Variants in PTGER4 observed in about 807,000 individuals in gnomAD.
The protein encoded by PTGER4 is prostaglandin E2 receptor EP4 subtype.
PTGER4 carries 11 observed loss-of-function variants against 33.2 expected under a neutral mutation model. The observed-to-expected ratio is 0.33, with a 90% confidence interval of 0.21 to 0.55. The LOEUF (loss-of-function observed/expected upper bound fraction) is 0.55, where lower values mean the gene tolerates loss of function less well. PTGER4 is among the 20% of genes least tolerant of loss of function. PTGER4 has a pLI of 0.92. For missense variants in PTGER4, 481 were observed against 650.2 expected (o/e 0.74, Z 2.83); for synonymous variants, 275 against 281.5 (o/e 0.98, Z 0.23).
At chr5:40,705,132 G>T in the PTGER4 span, among the ~76,000 whole-genome samples, 4 of 152,068 alleles carry the variant, frequency 2.6e-5, no homozygotes, top group Non-Finnish European at 1.5e-5. Context: ...CAGGCACATA[G>T]AACAATGGAA....
At chr5:40,729,818 C>G in the PTGER4 span, among the ~76,000 whole-genome samples, 1 of 152,180 alleles carries the variant, frequency 6.6e-6, no homozygotes, top group Non-Finnish European at 1.5e-5. Flanking sequence ...CCTGCCTCAG[C>G]CTCTCAAGTA....
chr5:40,707,826 A>G, the PTGER4 span, among the ~76,000 whole-genome samples: 41 of 152,318 alleles, frequency 2.7e-4, no homozygotes, highest in African/African-American at 9.4e-4. Flanking sequence ...ATTACAACAA[A>G]CTGTCTCTCA....
the PTGER4 span, among the ~76,000 whole-genome samples, chr5:40,703,760 G>A: frequency 6.6e-6 from 1 of 151,686 alleles, no homozygotes; most frequent in East Asian, 1.9e-4. Flanking sequence ...AAAATTAGCT[G>A]GGCATGGTGG....
the PTGER4 span, among the ~76,000 whole-genome samples, chr5:40,708,510 T>C: frequency 6.6e-6 from 1 of 152,118 alleles, no homozygotes; most frequent in Non-Finnish European, 1.5e-5. Context: ...AATAGACCAA[T>C]AACAGGCTCT....
At chr5:40,686,715 A>T (rs1322298184) in intron 2 of PTGER4, among the ~76,000 whole-genome samples, 4 of 151,818 alleles carry the variant, frequency 2.6e-5, no homozygotes, top group East Asian at 1.9e-4. Flanking sequence ...TAATCATCCT[A>T]AAAAAAAGTG....
chr5:40,721,218 C>G, the PTGER4 span, among the ~76,000 whole-genome samples: 2 of 152,136 alleles, frequency 1.3e-5, no homozygotes, highest in African/African-American at 4.8e-5. Context: ...TGCCTGGGGG[C>G]TAGGAAGAAC....
chr5:40,707,557 C>T, the PTGER4 span, among the ~76,000 whole-genome samples: 2 of 152,154 alleles, frequency 1.3e-5, no homozygotes, highest in African/African-American at 4.8e-5. Context: ...TACAAAGAGA[C>T]TTAGACTCCC....
chr5:40,740,601 C>T, the PTGER4 span, among the ~76,000 whole-genome samples: 9 of 152,274 alleles, frequency 5.9e-5, no homozygotes, highest in East Asian at 9.7e-4. Context: ...AGAAGACCAG[C>T]TCATTCCCGA....
At chr5:40,723,800 G>A in the PTGER4 span, among the ~76,000 whole-genome samples, 3 of 151,608 alleles carry the variant, frequency 2.0e-5, no homozygotes, top group East Asian at 5.8e-4. Flanking sequence ...GGGAGGCAGA[G>A]GTTACAGTGA....
the PTGER4 span, among the ~76,000 whole-genome samples, chr5:40,703,630 C>A: frequency 6.6e-6 from 1 of 151,996 alleles, no homozygotes; most frequent in African/African-American, 2.4e-5. Flanking sequence ...AGGCCGGGCA[C>A]GGTGTGGCTC....
At chr5:40,689,197 T>C (rs936968335) in intron 2 of PTGER4, among the ~76,000 whole-genome samples, 16 of 152,208 alleles carry the variant, frequency 1.1e-4, no homozygotes, top group African/African-American at 3.1e-4. Context: ...TTAGGTCAGA[T>C]TTTGCAATGA....
At chr5:40,682,788 A>G (rs1428313661) in intron 2 of PTGER4, among the ~76,000 whole-genome samples, 1 of 152,238 alleles carries the variant, frequency 6.6e-6, no homozygotes, top group Non-Finnish European at 1.5e-5. Context: ...GTCTGAGGCC[A>G]GACCCAGCTC....
rs763245643 is a variant in PTGER4 at position 40,683,183 on chromosome 5, T to C, written c.867+1323T>C. 1.3e-5 allele frequency among the ~76,000 whole-genome samples: 2 copies of C among 152,238 alleles called. No individual in the cohort carries two copies. Among genetic ancestry groups the C allele is most frequent in the African/African-American group, 2.4e-5 (1 of 41,458 alleles). ...AGAGAATATAAAATGTAATGGGCTA[T>C]TATTCCTTCCTTTTCCTTATTGATA... On this transcript the variant is annotated intron_variant, in intron 2 of 2. Transcript: ENST00000302472. This position sits in a 1 kb window ranked among gnomAD's most constrained non-coding sequence, Gnocchi z 4.2.
the PTGER4 span, among the ~76,000 whole-genome samples, chr5:40,738,263 T>C: frequency 6.6e-6 from 1 of 151,474 alleles, no homozygotes; most frequent in African/African-American, 2.4e-5. Flanking sequence ...AATTCAAAAA[T>C]TAGCCAGGCA....
At chr5:40,696,333 T>C (rs1741583506), downstream of PTGER4, among the ~76,000 whole-genome samples, 1 of 152,328 alleles carries the variant, frequency 6.6e-6, no homozygotes, top group Non-Finnish European at 1.5e-5. Flanking sequence ...AAACCATGTT[T>C]GGTTTCTTCC....
At chr5:40,722,762 C>T in the PTGER4 span, among the ~76,000 whole-genome samples, 1 of 151,192 alleles carries the variant, frequency 6.6e-6, no homozygotes, top group Non-Finnish European at 1.5e-5. Context: ...CCAGACGCCC[C>T]GTCCCGGAGG....
the PTGER4 span, among the ~76,000 whole-genome samples, chr5:40,736,560 G>T: frequency 6.6e-6 from 1 of 152,188 alleles, no homozygotes; most frequent in Non-Finnish European, 1.5e-5. Context: ...AACCTAGTTT[G>T]TAATAATTCT....
chr5:40,714,004 CT>C, the PTGER4 span, among the ~76,000 whole-genome samples: 1 of 152,120 alleles, frequency 6.6e-6, no homozygotes. Flanking sequence ...TCTCCTCTGT[CT>C]TATGTCTAAA....
At chr5:40,706,713 T>A in the PTGER4 span, among the ~76,000 whole-genome samples, 1 of 151,746 alleles carries the variant, frequency 6.6e-6, no homozygotes, top group Admixed American at 6.6e-5. Context: ...AAATTAGACA[T>A]CATGAAAATT....
Sources: gnomAD v4.1 joint callset for allele counts (sites outside exome capture counted in the v4.1 genomes callset) on GRCh38, gnomAD v4.1.1 for gene constraint, Gnocchi (gnomAD v3.1) non-coding constraint, MANE v1.5 for transcripts, NCBI Gene and HGNC (gene_info 2026-07-23, HGNC 2026-07-21) for gene names.